The following ZKSCAN7 variants were observed in gnomAD, a reference collection of about 807,000 sequenced individuals.
The protein encoded by ZKSCAN7 is zinc finger protein with KRAB and SCAN domains 7.
In ZKSCAN7, 38 loss-of-function variants were observed where a neutral mutation model predicts 65.3. The ratio of observed to expected loss-of-function variants is 0.58; its 90% CI spans 0.45 to 0.76. ZKSCAN7 has a LOEUF of 0.76. Ranked by LOEUF, ZKSCAN7 falls within the 30% of genes least tolerant of loss-of-function variation. The pLI is 0.00. For synonymous variants in ZKSCAN7, 321 were observed against 321.0 expected (o/e 1.00, Z 0.00); for missense variants, 815 against 913.3 (o/e 0.89, Z 1.39).
Position 44,557,273 on chromosome 3 carries a change from C to G in ZKSCAN7, c.226C>G (p.Arg76Gly), listed in dbSNP as rs746326139. 1 of 1,614,266 alleles carries G rather than the reference C, an allele frequency of 6.2e-7. No homozygotes were observed. Residue 76 changes from arginine to glycine, a missense_variant, in exon 2 of 6, where the codon CGG (arginine) becomes GGG (glycine). Coordinates refer to ENST00000426540, the MANE Select transcript of ZKSCAN7 (RefSeq NM_001288590.2). ...SGPQEALSRLRELCRWWLMPE... is the reference protein window; with the variant it reads ...SGPQEALSRLGELCRWWLMPE... The stretch of plus-strand genomic sequence containing the variant: ...GCCGCAGGAAGCATTGAGCCGGCTT[C>G]GGGAGCTCTGCCGCTGGTGGCTCAT...
Position 44,571,127 on chromosome 3 carries a change from A to G in ZKSCAN7, c.2017A>G (p.Ser673Gly). The G allele has an allele frequency of 6.2e-7, 1 of 1,614,198 alleles. No individual in the cohort carries two copies. Among genetic ancestry groups the G allele is most frequent in the South Asian group, 1.1e-5 (1 of 91,086 alleles). The stretch of plus-strand genomic sequence containing the variant: ...ATGTAATGAGTGTGGGAAGGTATTC[A>G]GTTATAGCTCCAGCCTTATGGTACA... Reference protein sequence around the residue: ...YECNECGKVFSYSSSLMVHQR... With the variant: ...YECNECGKVFGYSSSLMVHQR... Residue 673 changes from serine to glycine, a missense_variant, in exon 6 of 6, where the codon AGT becomes GGT. Physicochemically the swap from Ser to Gly is moderately conservative, Grantham distance 56. This residue lies in a region of ZKSCAN7 where 578 missense variants were observed against 629.5 expected (regional missense o/e 0.92). Transcript: ENST00000426540.
Position 44,569,932 on chromosome 3 carries a change from C to A in ZKSCAN7, c.822C>A (p.Asn274Lys), listed in dbSNP as rs913709528. 6.5e-7 allele frequency: 1 copy of A among 1,532,640 alleles called. No homozygotes were observed. The highest frequency in any genetic ancestry group is 8.7e-7 in the Non-Finnish European group (1 of 1,144,108). The allele number at this position is 1,532,640 out of a possible 1,614,324, so 94.9% of individuals were successfully genotyped here. The stretch of plus-strand genomic sequence containing the variant: ...TCTTTCTTTGGGCAGCAGGTGAGAA[C>A]ATGATGAAGGGTTCAGAGTTGACTC... ...HHSMASLAGE[N>K]MMKGSELTPK... The change falls in exon 6 of 6, where the codon AAC becomes AAA. Residue 274 changes from asparagine (N) to lysine (K), a missense_variant. Coordinates refer to ENST00000426540, the MANE Select transcript of ZKSCAN7 (RefSeq NM_001288590.2).
intron 2 of ZKSCAN7, among the ~76,000 whole-genome samples, chr3:44,562,532 T>G (rs574105559): frequency 1.3e-5 from 2 of 152,388 alleles, no homozygotes; most frequent in South Asian, 4.1e-4. Flanking sequence ...GTTTTTCTTT[T>G]CTACCACATG....
At chr3:44,580,527 G>A (rs760740336) in intron 5 of ZKSCAN7, 274 of 1,612,686 alleles carry the variant, frequency 1.7e-4, no homozygotes, top group Non-Finnish European at 2.0e-4. Context: ...AGGCTCCTGC[G>A]GTGTGGGGGG....
At chr3:44,580,506 T>A in intron 5 of ZKSCAN7, 1 of 1,611,024 alleles carries the variant, frequency 6.2e-7, no homozygotes, top group South Asian at 1.1e-5. Context: ...AACAGCCACC[T>A]TGGCAGGCCC....
intron 5 of ZKSCAN7, chr3:44,580,971 T>C: frequency 6.2e-7 from 1 of 1,612,010 alleles, no homozygotes; most frequent in Non-Finnish European, 8.5e-7. Flanking sequence ...ACACTTGCTC[T>C]TGTTGAAGAT....
intron 2 of ZKSCAN7, among the ~76,000 whole-genome samples, chr3:44,559,242 G>A (rs940179826): frequency 2.6e-5 from 4 of 152,036 alleles, no homozygotes; most frequent in African/African-American, 9.7e-5. Context: ...CTGGATTGAT[G>A]TTTGATTAGT....
At position 44,557,394 on chromosome 3, in the gene ZKSCAN7, T is replaced by C; in HGVS notation, c.347T>C (p.Leu116Pro). ...LPGELRTWVQ[L>P]HHPESGEEAV... ...GGGGAGCTCCGGACCTGGGTGCAGC[T>C]GCATCACCCTGAGAGTGGTGAGGAG... is the stretch of plus-strand genomic sequence containing the variant. The change falls in exon 2 of 6, where the codon CTG (leucine) becomes CCG (proline). Residue 116 changes from leucine to proline, a missense_variant. By Grantham distance (98) the Leu-to-Pro change is moderately conservative. Around this residue, in one of 3 missense-constraint regions of ZKSCAN7, gnomAD observed 227 missense variants for 253.3 expected, o/e 0.90. Transcript: ENST00000426540. The C allele has an allele frequency of 2.5e-6, 4 of 1,614,198 alleles. No individual in the cohort carries two copies. Among genetic ancestry groups the C allele is most frequent in the Non-Finnish European group, 3.4e-6 (4 of 1,180,020 alleles).
At chr3:44,568,210 G>A in intron 4 of ZKSCAN7, 97 bp from the exon 5 acceptor site, 1 of 1,554,630 alleles carries the variant, frequency 6.4e-7, no homozygotes. Flanking sequence ...CCATACTTTT[G>A]CCCATGAAGA....
At chr3:44,580,137 C>T (rs1046006570) in intron 5 of ZKSCAN7, 2 of 1,611,038 alleles carry the variant, frequency 1.2e-6, no homozygotes, top group Non-Finnish European at 1.7e-6. Flanking sequence ...CACCTGGGAC[C>T]TCCTGTGGTT....
intron 2 of ZKSCAN7, among the ~76,000 whole-genome samples, chr3:44,562,724 T>G (rs1450343821): frequency 6.6e-6 from 1 of 152,242 alleles, no homozygotes; most frequent in African/African-American, 2.4e-5. Context: ...GGCTCACGCC[T>G]GTAATCCCAG....
chr3:44,582,988 G>A (rs557806128), exon 6 of ZKSCAN7: 43 of 447,574 alleles, frequency 9.6e-5, no homozygotes, highest in South Asian at 3.6e-4. Flanking sequence ...GTACAATGGC[G>A]TGATCTTGGC....
chr3:44,583,020 G>A (rs1374075621), exon 6 of ZKSCAN7: 5 of 441,464 alleles, frequency 1.1e-5, no homozygotes, highest in African/African-American at 1.0e-4. Context: ...TCCAGCTCCC[G>A]AGTTCAAGCG....
intron 2 of ZKSCAN7, among the ~76,000 whole-genome samples, chr3:44,565,122 T>C (rs1699594361): frequency 6.6e-6 from 1 of 152,174 alleles, no homozygotes; most frequent in Admixed American, 6.5e-5. Context: ...TACTTCTGAT[T>C]ATTCCTTTCT....
In ZKSCAN7 at chr3:44,570,980, C is replaced by T. The variant is rs1014979929; in HGVS notation, c.1870C>T (p.Arg624Trp). The T allele has an allele frequency of 1.6e-5, 26 of 1,613,988 alleles. No individual in the cohort carries two copies. Among genetic ancestry groups the T allele is most frequent in the Middle Eastern group, 3.3e-4 (2 of 6,080 alleles). The change falls in exon 6 of 6, where the codon CGG becomes TGG. Residue 624 changes from arginine (R) to tryptophan (W), a missense_variant. Arg to Trp is a moderately radical substitution (Grantham distance 101). Coordinates refer to ENST00000426540, the MANE Select transcript of ZKSCAN7 (RefSeq NM_001288590.2). ...KAFGLSKCLI[R>W]HQRLHTGEKP... ...ATTTGGTCTGAGTAAATGTCTTATTCGGCACCAGAGACTTCACACGGGTGA... is the reference window on the plus strand; with the variant it reads ...ATTTGGTCTGAGTAAATGTCTTATTTGGCACCAGAGACTTCACACGGGTGA...
chr3:44,572,682 T>C (rs988700597), downstream of ZKSCAN7, among the ~76,000 whole-genome samples: 1 of 151,352 alleles, frequency 6.6e-6, no homozygotes, highest in Non-Finnish European at 1.5e-5. Context: ...ACTCTGTCTT[T>C]ACTAAAAAAT....
intron 5 of ZKSCAN7, chr3:44,580,276 G>A (rs1011357602): frequency 3.1e-6 from 5 of 1,613,886 alleles, no homozygotes; most frequent in South Asian, 2.2e-5. Flanking sequence ...CAGTCCATGC[G>A]GTCGCTACTC....
At position 44,565,928 on chromosome 3, in the gene ZKSCAN7, A is replaced by T. The variant is rs116668230; in HGVS notation, c.592+273A>T. ...TGTCACTGATTTCAAAGAGCTTGTTATCTAGATGGTAGGATGAGTTAGTCA... is the reference window on the plus strand; with the variant it reads ...TGTCACTGATTTCAAAGAGCTTGTTTTCTAGATGGTAGGATGAGTTAGTCA... On this transcript the variant is annotated intron_variant, in intron 3 of 5. Transcript: ENST00000426540. Among the ~76,000 whole-genome samples the T allele has an allele frequency of 9.6e-3, 1,470 of 152,348 alleles. 24 individuals are homozygous for T. The highest frequency in any genetic ancestry group is 0.033 in the African/African-American group (1,364 of 41,582).
At chr3:44,575,978 C>G (rs1393257380), downstream of ZKSCAN7, among the ~76,000 whole-genome samples, 1 of 151,988 alleles carries the variant, frequency 6.6e-6, no homozygotes, top group Non-Finnish European at 1.5e-5. Flanking sequence ...TCTTTTATTA[C>G]TCTGGAACAG....
Sources: gnomAD v4.1 joint callset for allele counts (sites outside exome capture counted in the v4.1 genomes callset) on GRCh38, gnomAD v4.1.1 for gene constraint, gnomAD v4.1.1 regional missense constraint, MANE v1.5 for transcripts, NCBI Gene and HGNC (gene_info 2026-07-23, HGNC 2026-07-21) for gene names.